The following SIPA1L1 variants were observed in gnomAD, a reference collection of about 807,000 sequenced individuals.
SIPA1L1 encodes signal-induced proliferation-associated 1-like protein 1.
SIPA1L1 carries 26 observed loss-of-function variants against 162.7 expected under a neutral mutation model. The observed-to-expected ratio is 0.16, with a 90% CI of 0.12 to 0.22. SIPA1L1 has a LOEUF of 0.22. Ranked by LOEUF, SIPA1L1 falls within the 10% of genes least tolerant of loss-of-function variation. The pLI is 1.00. For synonymous variants in SIPA1L1, 829 were observed against 837.4 expected (o/e 0.99, Z 0.17); for missense variants, 1,874 against 2,241.0 (o/e 0.84, Z 3.31).
intron 2 of SIPA1L1, among the ~76,000 whole-genome samples, chr14:71,327,089 T>C (rs1171794832): frequency 9.3e-5 from 14 of 151,096 alleles, no homozygotes; most frequent in African/African-American, 3.4e-4. Flanking sequence ...TCTTTTTTTT[T>C]TTTTTTTTTG....
chr14:71,709,199 A>C, intron 16 of SIPA1L1, 23 bp from the exon 17 acceptor site: 1 of 1,584,900 alleles, frequency 6.3e-7, no homozygotes, highest in South Asian at 1.1e-5. Flanking sequence ...TTTGCACTCA[A>C]ATAAATTCTG....
intron 3 of SIPA1L1, among the ~76,000 whole-genome samples, chr14:71,516,132 A>G (rs188578488): frequency 1.7e-4 from 26 of 152,316 alleles, no homozygotes; most frequent in Non-Finnish European, 2.8e-4. Flanking sequence ...TCAGCTTGGC[A>G]ATGGTGACAC....
chr14:71,597,368 CT>C (rs1254907679), intron 5 of SIPA1L1, among the ~76,000 whole-genome samples: 3 of 152,116 alleles, frequency 2.0e-5, no homozygotes, highest in African/African-American at 7.2e-5. Context: ...TTTCTAAGTT[CT>C]TTTTCTTGAG....
intron 2 of SIPA1L1, among the ~76,000 whole-genome samples, chr14:71,449,804 G>C (rs113869889): frequency 3.9e-5 from 6 of 152,098 alleles, no homozygotes; most frequent in African/African-American, 1.4e-4. Context: ...TGTTCTATTT[G>C]TTCTGCTATA....
chr14:71,587,766 C>A lies in SIPA1L1; in HGVS notation c.-107C>A. ...AAATGAAAAAGATTAAGATCTCATGCAACTGTTGTATTTTCTGGAAGCCAT... is the reference window on the plus strand; with the variant it reads ...AAATGAAAAAGATTAAGATCTCATGAAACTGTTGTATTTTCTGGAAGCCAT... On this transcript the variant is annotated 5_prime_UTR_variant, in exon 5 of 24. The change creates a premature stop within an existing upstream ORF in the 5' untranslated region. Transcript: ENST00000381232. The A allele has an allele frequency of 2.0e-6, 2 of 982,748 alleles. No homozygotes were observed. Among genetic ancestry groups the A allele is most frequent in the Non-Finnish European group, 3.0e-6 (2 of 660,638 alleles). The allele number at this position is 982,748 out of a possible 1,614,324, so 60.9% of individuals were successfully genotyped here.
At chr14:71,536,558 T>A (rs1847504882) in intron 4 of SIPA1L1, among the ~76,000 whole-genome samples, 1 of 152,230 alleles carries the variant, frequency 6.6e-6, no homozygotes, top group Non-Finnish European at 1.5e-5. Context: ...ATTTAGATTT[T>A]AGCCTGGAAT....
intron 2 of SIPA1L1, among the ~76,000 whole-genome samples, chr14:71,463,316 G>T (rs576428220): frequency 6.6e-6 from 1 of 152,178 alleles, no homozygotes; most frequent in East Asian, 1.9e-4. Context: ...TGCCAATTAC[G>T]CATTCTGGCA....
intron 2 of SIPA1L1, among the ~76,000 whole-genome samples, chr14:71,403,019 C>T (rs1005992904): frequency 5.3e-5 from 8 of 151,992 alleles, no homozygotes; most frequent in African/African-American, 1.9e-4. Context: ...TTTTGAGAGA[C>T]CTTCACATGA....
At chr14:71,328,362 G>A (rs564491226) in intron 2 of SIPA1L1, among the ~76,000 whole-genome samples, 94 of 152,322 alleles carry the variant, frequency 6.2e-4, no homozygotes, top group African/African-American at 2.2e-3. Flanking sequence ...GTGAGTGCTT[G>A]AGTAGAGAAT....
intron 4 of SIPA1L1, among the ~76,000 whole-genome samples, chr14:71,544,484 T>G (rs2054993638): frequency 6.6e-6 from 1 of 152,188 alleles, no homozygotes. Context: ...GTCAAATTTC[T>G]TGAGTTTTTT....
rs1030402601 is a variant in SIPA1L1 at position 71,653,857 on chromosome 14, A to G, written c.1993+3348A>G. ...AGAATTGGCTTCTTTAGATTAAGTAACATGCCCATGGTTAGATAGCTAGCA... is the reference window on the plus strand; with the variant it reads ...AGAATTGGCTTCTTTAGATTAAGTAGCATGCCCATGGTTAGATAGCTAGCA... On this transcript the variant is annotated intron_variant, in intron 8 of 23. Transcript: ENST00000381232. Among the ~76,000 whole-genome samples the G allele has an allele frequency of 3.3e-5, 5 of 152,172 alleles. No individual in the cohort carries two copies. The East Asian group carries it at 9.6e-4, about 29-fold the overall frequency.
chr14:71,692,652 C>G (rs1393648659), intron 13 of SIPA1L1, among the ~76,000 whole-genome samples: 2 of 152,204 alleles, frequency 1.3e-5, no homozygotes, highest in African/African-American at 4.8e-5. Context: ...GGCACACCTC[C>G]CAGTTCCCCA....
At chr14:71,610,932 T>G (rs1418172779) in intron 5 of SIPA1L1, among the ~76,000 whole-genome samples, 1 of 152,216 alleles carries the variant, frequency 6.6e-6, no homozygotes, top group African/African-American at 2.4e-5. Flanking sequence ...AGTTTGTAAA[T>G]GTGAGCAATT....
chr14:71,624,783 C>A (rs79400156), intron 7 of SIPA1L1, among the ~76,000 whole-genome samples: 282 of 152,174 alleles, frequency 1.9e-3, no homozygotes, highest in African/African-American at 6.7e-3. Context: ...ACATAGTCTG[C>A]CTCAAAGTCT....
At chr14:71,506,816 C>CTT (rs78108179) in intron 2 of SIPA1L1, among the ~76,000 whole-genome samples, 1 of 139,382 alleles carries the variant, frequency 7.2e-6, no homozygotes, top group African/African-American at 2.6e-5. Context: ...ATTTTGTAAT[C>CTT]TTTTTTTTTT....
intron 4 of SIPA1L1, among the ~76,000 whole-genome samples, chr14:71,570,918 C>T (rs2031866758): frequency 6.6e-6 from 1 of 152,088 alleles, no homozygotes; most frequent in Admixed American, 6.5e-5. Flanking sequence ...CACCTGTAAT[C>T]CCAAGTAGCT....
At chr14:71,619,720 G>A (rs1023950979) in intron 6 of SIPA1L1, among the ~76,000 whole-genome samples, 2 of 152,056 alleles carry the variant, frequency 1.3e-5, no homozygotes, top group Non-Finnish European at 1.5e-5. Flanking sequence ...GAAAATAATG[G>A]TTTTGAAACT....
intron 2 of SIPA1L1, among the ~76,000 whole-genome samples, chr14:71,430,966 G>A (rs908778175): frequency 6.6e-6 from 1 of 151,946 alleles, no homozygotes; most frequent in African/African-American, 2.4e-5. Context: ...TATTATAAAG[G>A]TCCTATATAG....
chr14:71,440,424 A>C (rs1193193887), intron 2 of SIPA1L1, among the ~76,000 whole-genome samples: 2 of 152,204 alleles, frequency 1.3e-5, no homozygotes, highest in Non-Finnish European at 2.9e-5. Flanking sequence ...CAGCCGAGGC[A>C]GGCCGACTAC....
Sources: gnomAD v4.1 joint callset for allele counts (sites outside exome capture counted in the v4.1 genomes callset) on GRCh38, gnomAD v4.1.1 for gene constraint, MANE v1.5 for transcripts, NCBI Gene and HGNC (gene_info 2026-07-23, HGNC 2026-07-21) for gene names.